The following COL5A2 variants were observed in gnomAD, a reference collection of about 807,000 sequenced individuals.
COL5A2 encodes collagen type V alpha 2 chain.
COL5A2 carries 23 observed loss-of-function variants against 208.2 expected under a neutral mutation model. The ratio of observed to expected loss-of-function variants is 0.11; its 90% CI spans 0.08 to 0.16. The LOEUF is 0.16. Ranked by LOEUF, COL5A2 falls within the 10% of genes least tolerant of loss-of-function variation. The pLI is 1.00. For synonymous variants in COL5A2, 625 were observed against 628.5 expected, an observed-to-expected ratio of 0.99 and a Z score of 0.08; for missense variants, 1,590 against 1,956.4, an observed-to-expected ratio of 0.81 and a Z score of 3.53.
At chr2:189,073,869 T>A (rs1686338913) in intron 17 of COL5A2, among the ~76,000 whole-genome samples, 1 of 152,134 alleles carries the variant, frequency 6.6e-6, no homozygotes, top group East Asian at 1.9e-4. Context: ...ATAATTTAAG[T>A]GTCCTTGACT....
At chr2:189,336,028 A>C in the COL5A2 span, among the ~76,000 whole-genome samples, 5,540 of 152,208 alleles carry the variant, frequency 0.036, 118 homozygotes, top group Admixed American at 0.05. Flanking sequence ...ACAATATAGA[A>C]AGAATTCCTA....
chr2:189,106,574 T>C (rs1232633547), intron 2 of COL5A2, among the ~76,000 whole-genome samples: 1 of 151,346 alleles, frequency 6.6e-6, no homozygotes, highest in Admixed American at 6.6e-5. Flanking sequence ...TTTTTAGAGT[T>C]TTGAAACCTC....
intron 1 of COL5A2, among the ~76,000 whole-genome samples, chr2:189,150,640 G>A (rs184636927): frequency 2.1e-3 from 319 of 152,156 alleles, no homozygotes; most frequent in African/African-American, 6.9e-3. Flanking sequence ...TTAAAAAACC[G>A]TGAAAGATAA....
the COL5A2 span, among the ~76,000 whole-genome samples, chr2:189,337,852 C>A: frequency 6.6e-6 from 1 of 151,936 alleles, no homozygotes; most frequent in Admixed American, 6.6e-5. Flanking sequence ...TTGGAAAGTT[C>A]CCTGCAACAT....
At position 189,034,131 on chromosome 2, in the gene COL5A2, A is replaced by G. The variant is rs1685394913; in HGVS notation, c.4439T>C (p.Val1480Ala). ...TTCCTGGTCTGTGCCGCCAACATCCACAGGAGCAAGATCTATGATGGGCAA... is the reference window on the plus strand; with the variant it reads ...TTCCTGGTCTGTGCCGCCAACATCCGCAGGAGCAAGATCTATGATGGGCAA... Reference protein sequence around the residue: ...ARLPIIDLAPVDVGGTDQEFG... With the variant: ...ARLPIIDLAPADVGGTDQEFG... Residue 1480 changes from valine (V) to alanine (A), a missense_variant, in exon 54 of 54, where the codon GTG becomes GCG. Transcript: ENST00000374866. 6.2e-7 allele frequency: 1 copy of G among 1,613,942 alleles called. No homozygotes were observed. The highest frequency in any genetic ancestry group is 1.1e-5 in the South Asian group (1 of 91,092).
Position 189,090,912 on chromosome 2 carries a change from A to T in COL5A2, c.567+1398T>A, listed in dbSNP as rs560467342. Among the ~76,000 whole-genome samples the T allele has an allele frequency of 4.6e-5, 7 of 152,326 alleles. No individual in the cohort carries two copies. In the South Asian group the frequency reaches 1.4e-3, roughly 32 times the overall value. On this transcript the variant is annotated intron_variant, in intron 7 of 53. Coordinates refer to ENST00000374866, the MANE Select transcript of COL5A2 (RefSeq NM_000393.5). ...AGAGTTCTGATGGAGATATACAAGG[A>T]TATTAATGTTGTTTTCATGCCTGCT...
chr2:189,211,523 T>C (rs1689212763), intron 1 of COL5A2, among the ~76,000 whole-genome samples: 1 of 152,122 alleles, frequency 6.6e-6, no homozygotes, highest in Non-Finnish European at 1.5e-5. Context: ...ATAGTTCTTA[T>C]ATATCAATGA....
chr2:189,342,640 AACACACACACAC>A, the COL5A2 span, among the ~76,000 whole-genome samples: 54 of 143,676 alleles, frequency 3.8e-4, no homozygotes, highest in African/African-American at 9.5e-4. Flanking sequence ...AGAGAGCTAA[AACACACACACAC>A]ACACACACAC....
At chr2:189,131,052 A>G (rs955334372) in intron 1 of COL5A2, among the ~76,000 whole-genome samples, 1 of 152,154 alleles carries the variant, frequency 6.6e-6, no homozygotes, top group Admixed American at 6.5e-5. Flanking sequence ...GTAAAGACAA[A>G]GAGCTCCAGG....
chr2:189,376,719 G>A, the COL5A2 span, among the ~76,000 whole-genome samples: 1 of 152,036 alleles, frequency 6.6e-6, no homozygotes, highest in Non-Finnish European at 1.5e-5. Context: ...AGTTTAAGTG[G>A]ACAAAATATT....
intron 1 of COL5A2, among the ~76,000 whole-genome samples, chr2:189,198,136 G>A (rs889852045): frequency 1.3e-4 from 19 of 151,958 alleles, no homozygotes; most frequent in African/African-American, 4.6e-4. Context: ...TTAGATCTAG[G>A]AGTACATTAC....
chr2:189,398,419 T>A, the COL5A2 span, among the ~76,000 whole-genome samples: 3 of 152,150 alleles, frequency 2.0e-5, no homozygotes, highest in African/African-American at 7.2e-5. Context: ...CTGTCAATGC[T>A]TGCTTTATAT....
the COL5A2 span, among the ~76,000 whole-genome samples, chr2:189,296,445 A>C: frequency 6.6e-6 from 1 of 152,138 alleles, no homozygotes; most frequent in South Asian, 2.1e-4. Context: ...GTTTCTAGTG[A>C]CCAATTTTTC....
chr2:189,137,677 C>A (rs1559120844), intron 1 of COL5A2, among the ~76,000 whole-genome samples: 1 of 152,088 alleles, frequency 6.6e-6, no homozygotes, highest in African/African-American at 2.4e-5. Flanking sequence ...TAGCTTCTAA[C>A]TGTGCAGAAG....
the COL5A2 span, among the ~76,000 whole-genome samples, chr2:189,387,001 G>T: frequency 6.6e-6 from 1 of 151,932 alleles, no homozygotes; most frequent in Non-Finnish European, 1.5e-5. Flanking sequence ...TCCACCAAAA[G>T]GATACATGCA....
At chr2:189,430,791 G>A in the COL5A2 span, among the ~76,000 whole-genome samples, 3 of 152,036 alleles carry the variant, frequency 2.0e-5, no homozygotes, top group Non-Finnish European at 2.9e-5. Flanking sequence ...GACAACTTCT[G>A]CAATCTGGCA....
chr2:189,052,675 C>T, intron 40 of COL5A2, 74 bp downstream of exon 40: 2 of 1,406,088 alleles, frequency 1.4e-6, no homozygotes, highest in Admixed American at 3.4e-5. Context: ...TGAAAATTAT[C>T]TTTTACATGA....
chr2:189,423,192 G>C, the COL5A2 span, among the ~76,000 whole-genome samples: 2 of 151,898 alleles, frequency 1.3e-5, no homozygotes, highest in Non-Finnish European at 2.9e-5. Flanking sequence ...GGAGATGAAA[G>C]AAATCTACAC....
the COL5A2 span, among the ~76,000 whole-genome samples, chr2:189,372,636 A>G: frequency 3.9e-5 from 6 of 152,182 alleles, no homozygotes; most frequent in African/African-American, 1.2e-4. Flanking sequence ...CTGCAAGTGG[A>G]CTAGCAGGAG....
Sources: gnomAD v4.1 joint callset for allele counts (sites outside exome capture counted in the v4.1 genomes callset) on GRCh38, gnomAD v4.1.1 for gene constraint, MANE v1.5 for transcripts, NCBI Gene and HGNC (gene_info 2026-07-23, HGNC 2026-07-21) for gene names.